NDUFA10: variants seen among roughly 807,000 people sequenced by gnomAD.
NDUFA10 encodes NADH dehydrogenase [ubiquinone] 1 alpha subcomplex subunit 10, mitochondrial.
In NDUFA10, 40 loss-of-function variants were observed where a neutral mutation model predicts 47.8. The observed-to-expected ratio is 0.84, with a 90% confidence interval of 0.65 to 1.09. The LOEUF is 1.09. NDUFA10 is among the 50% of genes least tolerant of loss of function. The probability of loss-of-function intolerance (pLI) is 0.00; values close to 1 mark genes in which losing one functional copy is unlikely to be tolerated. For synonymous variants in NDUFA10, 183 were observed against 172.2 expected, an observed-to-expected ratio of 1.06 and a Z score of -0.49; for missense variants, 413 against 451.1, an observed-to-expected ratio of 0.92 and a Z score of 0.76.
intron 1 of NDUFA10, among the ~76,000 whole-genome samples, chr2:240,023,339 C>T (rs1291966740): frequency 1.3e-5 from 2 of 152,020 alleles, no homozygotes; most frequent in Middle Eastern, 3.2e-3. Context: ...AGTGGTCAAC[C>T]TTGCTACAAA....
intron 9 of NDUFA10, among the ~76,000 whole-genome samples, chr2:239,972,055 TG>T (rs1559336474): frequency 6.6e-6 from 1 of 152,070 alleles, no homozygotes; most frequent in Admixed American, 6.5e-5. Flanking sequence ...GCACTTCTCT[TG>T]GGGGATGTTT....
chr2:239,948,930 T>G (rs1023637782), intron 4 of NDUFA10, among the ~76,000 whole-genome samples: 1 of 152,210 alleles, frequency 6.6e-6, no homozygotes, highest in Non-Finnish European at 1.5e-5. Flanking sequence ...GGCTCTCTAC[T>G]TCAAATGCAG....
At chr2:239,992,062 T>C (rs1215461836) in intron 8 of NDUFA10, among the ~76,000 whole-genome samples, 2 of 152,224 alleles carry the variant, frequency 1.3e-5, no homozygotes, top group Admixed American at 6.5e-5. Context: ...ATGAGCTTAA[T>C]GATGACTACT....
Position 240,007,389 on chromosome 2 carries a change from T to C in NDUFA10, c.750-19A>G. On this transcript the variant is annotated intron_variant, in intron 6 of 9. Coordinates refer to ENST00000252711, the MANE Select transcript of NDUFA10 (RefSeq NM_004544.4). ...TTTTTCACTGTAAGAAAAAACAAGA[T>C]GAAATTCAGTGTAAACTTTTCCAAG... is the stretch of plus-strand genomic sequence containing the variant. The C allele has an allele frequency of 6.6e-7, 1 of 1,525,840 alleles. No individual in the cohort carries two copies. The highest frequency in any genetic ancestry group is 9.1e-7 in the Non-Finnish European group (1 of 1,100,128). The allele number at this position is 1,525,840 out of a possible 1,614,324, so 94.5% of individuals were successfully genotyped here. A position where few individuals can be genotyped will look rare whatever the true frequency, so the allele number is the denominator to read the frequency against.
chr2:239,946,551 G>C (rs1038288991), intron 4 of NDUFA10, among the ~76,000 whole-genome samples: 4 of 152,220 alleles, frequency 2.6e-5, no homozygotes, highest in African/African-American at 9.7e-5. Context: ...ACACCGTTCA[G>C]GTATCCAGGT....
At position 239,960,706 on chromosome 2, in the gene NDUFA10, T is replaced by G. The variant is rs546052985; in HGVS notation, c.*412A>C. Reference sequence around the variant, plus strand: ...TGTGTGCACGTGTGCAGTTTCGACGTGCCCGCACGCACATAGACGTACGAT... The same window carrying G: ...TGTGTGCACGTGTGCAGTTTCGACGGGCCCGCACGCACATAGACGTACGAT... On this transcript the variant is annotated 3_prime_UTR_variant, in exon 10 of 10. Transcript: ENST00000252711. The G allele has an allele frequency of 1.6e-5, 19 of 1,165,334 alleles. No individual in the cohort carries two copies. In the African/African-American group the frequency reaches 2.7e-4, roughly 17 times the overall value. The allele number at this position is 1,165,334 out of a possible 1,614,324, so 72.2% of individuals were successfully genotyped here.
chr2:240,006,132 T>C (rs1159807258), intron 7 of NDUFA10, among the ~76,000 whole-genome samples: 1 of 152,184 alleles, frequency 6.6e-6, no homozygotes, highest in Non-Finnish European at 1.5e-5. Context: ...GTTTCGGGAA[T>C]TTGAGTAAAT....
intron 9 of NDUFA10, among the ~76,000 whole-genome samples, chr2:239,989,248 T>A (rs1430448967): frequency 6.6e-6 from 1 of 152,194 alleles, no homozygotes; most frequent in Admixed American, 6.5e-5. Flanking sequence ...AAATGCCAAG[T>A]AGAGTAAGAA....
At chr2:240,005,848 G>A (rs1696929909) in intron 7 of NDUFA10, among the ~76,000 whole-genome samples, 1 of 152,204 alleles carries the variant, frequency 6.6e-6, no homozygotes, top group Non-Finnish European at 1.5e-5. Context: ...CAGGCTGGGA[G>A]AAAAGGACAG....
chr2:240,012,144 G>A (rs529544160), intron 5 of NDUFA10: 2 of 220,584 alleles, frequency 9.1e-6, no homozygotes, highest in Admixed American at 5.1e-5. Flanking sequence ...CACCTCCATC[G>A]CTCACCCATC....
At position 240,021,258 on chromosome 2, in the gene NDUFA10, G is replaced by T. The variant is rs753253411; in HGVS notation, c.399C>A (p.Ser133=). ...GCAGCAGGCGACTGCTGTACAACCA[G>T]GACTGCAGGCGGTAACTGTTGCCAT... ...SNDGNSYRLQ[S]WLYSSRLLQY... Residue 133 remains serine, a synonymous_variant, in exon 3 of 10, where the codon TCC becomes TCA. Transcript: ENST00000252711. 1.9e-6 allele frequency: 3 copies of T among 1,614,210 alleles called. No individual in the cohort carries two copies. Among genetic ancestry groups the T allele is most frequent in the South Asian group, 2.2e-5 (2 of 91,080 alleles).
At chr2:239,932,913 C>A (rs1405869160) in intron 4 of NDUFA10, among the ~76,000 whole-genome samples, 2 of 152,184 alleles carry the variant, frequency 1.3e-5, no homozygotes, top group Non-Finnish European at 2.9e-5. Flanking sequence ...CTTTATTAAT[C>A]CATTTATTTA....
intron 8 of NDUFA10, among the ~76,000 whole-genome samples, chr2:239,998,645 G>C (rs1696581386): frequency 6.6e-6 from 1 of 152,150 alleles, no homozygotes. Flanking sequence ...CTTCTTTCTG[G>C]GAGTCTGGAA....
chr2:239,982,875 G>C (rs1163421464), intron 9 of NDUFA10, among the ~76,000 whole-genome samples: 2 of 152,216 alleles, frequency 1.3e-5, no homozygotes, highest in African/African-American at 2.4e-5. Flanking sequence ...CTCAGCATCT[G>C]ATGGAAATTG....
At chr2:239,995,475 A>C (rs896405263) in intron 8 of NDUFA10, among the ~76,000 whole-genome samples, 5 of 152,232 alleles carry the variant, frequency 3.3e-5, no homozygotes, top group Non-Finnish European at 7.3e-5. Flanking sequence ...CAAGATGTTA[A>C]GGGAAAAGAT....
chr2:239,963,881 G>C (rs1694954959), intron 9 of NDUFA10, among the ~76,000 whole-genome samples: 1 of 152,160 alleles, frequency 6.6e-6, no homozygotes, highest in Non-Finnish European at 1.5e-5. Context: ...GGAGGAGCTG[G>C]GTGTGACCAC....
intron 4 of NDUFA10, among the ~76,000 whole-genome samples, chr2:240,015,282 C>T (rs1697303474): frequency 6.6e-6 from 1 of 152,182 alleles, no homozygotes; most frequent in African/African-American, 2.4e-5. Context: ...ACGTAGGTCA[C>T]GCAAGATGGA....
chr2:239,996,909 T>A (rs1696503327), intron 8 of NDUFA10, among the ~76,000 whole-genome samples: 2 of 152,194 alleles, frequency 1.3e-5, no homozygotes, highest in South Asian at 4.1e-4. Context: ...GCCAAAAGAT[T>A]GGACACCCCT....
intron 9 of NDUFA10, among the ~76,000 whole-genome samples, chr2:239,981,937 C>T (rs1695793105): frequency 6.6e-6 from 1 of 152,020 alleles, no homozygotes; most frequent in Non-Finnish European, 1.5e-5. Context: ...CGAGAAATTG[C>T]CTAGCAGGGT....
Sources: allele counts gnomAD v4.1 joint callset (sites outside exome capture counted in the v4.1 genomes callset), GRCh38; gene constraint gnomAD v4.1.1; transcripts MANE v1.5; gene names NCBI Gene and HGNC (gene_info 2026-07-23, HGNC 2026-07-21).